The following AJAP1 variants were observed in gnomAD, a reference collection of about 807,000 sequenced individuals.
AJAP1 encodes the protein adherens junction-associated protein 1.
Under a neutral mutation model 35.0 loss-of-function variants are expected in AJAP1, and 5 were observed. That is an observed-to-expected ratio of 0.14 (90% CI 0.07 to 0.30). AJAP1 has a LOEUF of 0.30. AJAP1 is among the 10% of genes least tolerant of loss of function. The probability of loss-of-function intolerance (pLI) is 1.00; values close to 1 mark genes in which losing one functional copy is unlikely to be tolerated. For missense variants in AJAP1, 586 were observed against 571.0 expected, an observed-to-expected ratio of 1.03 and a Z score of -0.27; for synonymous variants, 284 against 249.3, an observed-to-expected ratio of 1.14 and a Z score of -1.31.
intron 2 of AJAP1, among the ~76,000 whole-genome samples, chr1:4,766,068 T>C (rs1230851025): frequency 6.6e-6 from 1 of 152,250 alleles, no homozygotes; most frequent in Non-Finnish European, 1.5e-5. Context: ...TTATTTAATC[T>C]ATAAGCAGAG....
intron 2 of AJAP1, among the ~76,000 whole-genome samples, chr1:4,750,942 A>G (rs184720864): frequency 4.7e-4 from 71 of 150,550 alleles, no homozygotes; most frequent in Non-Finnish European, 7.5e-4. Context: ...TGGGAGGGCC[A>G]GTGGAAAGGT....
At position 4,656,508 on chromosome 1, in the gene AJAP1, G is replaced by A. The variant is rs1638885655; in HGVS notation, c.29+1054G>A. Among the ~76,000 whole-genome samples, 1 of 152,210 alleles carries A rather than the reference G, an allele frequency of 6.6e-6. No homozygotes were observed. Among genetic ancestry groups the A allele is most frequent in the Non-Finnish European group, 1.5e-5 (1 of 68,046 alleles). ...CGCGTTGGGGACGAAAAGGCCAGTA[G>A]TTGTTAGCCCGCTGCTTGAGCCGCC... On this transcript the variant is annotated intron_variant, in intron 1 of 5. Coordinates refer to ENST00000378191, the MANE Select transcript of AJAP1 (RefSeq NM_018836.4). This position sits in a 1 kb window ranked among gnomAD's most constrained non-coding sequence, Gnocchi z 5.7.
intron 2 of AJAP1, among the ~76,000 whole-genome samples, chr1:4,735,662 TGTG>T (rs1557632157): frequency 6.6e-6 from 1 of 151,816 alleles, no homozygotes; most frequent in African/African-American, 2.4e-5. Flanking sequence ...CTGTGTGAGG[TGTG>T]AGGTGAGCTC....
At chr1:4,682,728 T>C (rs1639510300) in intron 1 of AJAP1, among the ~76,000 whole-genome samples, 1 of 152,080 alleles carries the variant, frequency 6.6e-6, no homozygotes. Context: ...ATGATGATAG[T>C]GGTGATACTG....
intron 2 of AJAP1, among the ~76,000 whole-genome samples, chr1:4,737,483 GC>G (rs1399567244): frequency 6.6e-6 from 1 of 151,618 alleles, no homozygotes; most frequent in South Asian, 2.1e-4. Flanking sequence ...AGAGACGGGA[GC>G]CCCCCCGAGA....
chr1:4,721,616 G>A (rs1557625569), intron 2 of AJAP1, among the ~76,000 whole-genome samples: 1 of 152,200 alleles, frequency 6.6e-6, no homozygotes, highest in African/African-American at 2.4e-5. Flanking sequence ...TCCCACCTCT[G>A]CAAGGAGAAA....
chr1:4,679,460 C>T (rs1639428457), intron 1 of AJAP1, among the ~76,000 whole-genome samples: 1 of 152,196 alleles, frequency 6.6e-6, no homozygotes, highest in Admixed American at 6.5e-5. Context: ...GACCTGAGGA[C>T]TTCAGGCTGT....
At chr1:4,740,397 T>TGGGGGAGGGGGGGGGGGAGGGAGTG (rs1553159528) in intron 2 of AJAP1, among the ~76,000 whole-genome samples, 1 of 142,914 alleles carries the variant, frequency 7.0e-6, no homozygotes, top group African/African-American at 2.6e-5. Flanking sequence ...GGGGACAGAG[T>TGGGGGAGGGGGGGGGGGAGGGAGTG]TTCAGTTTTG....
At chr1:4,659,296 C>G (rs1638949853) in intron 1 of AJAP1, among the ~76,000 whole-genome samples, 1 of 152,186 alleles carries the variant, frequency 6.6e-6, no homozygotes, top group African/African-American at 2.4e-5. Flanking sequence ...TATCCTTGAT[C>G]TAGATTTTAC....
At chr1:4,754,549 C>A (rs980750212) in intron 2 of AJAP1, among the ~76,000 whole-genome samples, 2 of 152,328 alleles carry the variant, frequency 1.3e-5, no homozygotes, top group African/African-American at 4.8e-5. Context: ...GGATGGCTTC[C>A]TGGCCTCAAG....
At chr1:4,755,834 A>G (rs115450733) in intron 2 of AJAP1, among the ~76,000 whole-genome samples, 1 of 151,810 alleles carries the variant, frequency 6.6e-6, no homozygotes. Flanking sequence ...GGGATTAAAA[A>G]CGACTAGGAG....
intron 1 of AJAP1, among the ~76,000 whole-genome samples, chr1:4,674,923 T>C (rs1442286022): frequency 6.6e-6 from 1 of 152,256 alleles, no homozygotes; most frequent in Non-Finnish European, 1.5e-5. Flanking sequence ...ACAGAGATTC[T>C]GCACAGGGCG....
chr1:4,668,194 A>G (rs1639176702), intron 1 of AJAP1, among the ~76,000 whole-genome samples: 1 of 132,718 alleles, frequency 7.5e-6, no homozygotes. Context: ...AGCCTGGGTG[A>G]CAGAGTGAAA....
chr1:4,719,026 T>C (rs115746525), intron 2 of AJAP1, among the ~76,000 whole-genome samples: 241 of 152,324 alleles, frequency 1.6e-3, no homozygotes, highest in African/African-American at 5.5e-3. Context: ...CCTTACATCA[T>C]GAATGTCACA....
At chr1:4,762,154 G>T (rs1006237543) in intron 2 of AJAP1, among the ~76,000 whole-genome samples, 1 of 152,152 alleles carries the variant, frequency 6.6e-6, no homozygotes, top group African/African-American at 2.4e-5. Context: ...CCTCCAAAAC[G>T]CTGCGCAGGA....
At chr1:4,678,921 A>G (rs914712288) in intron 1 of AJAP1, among the ~76,000 whole-genome samples, 4 of 152,380 alleles carry the variant, frequency 2.6e-5, no homozygotes, top group African/African-American at 7.2e-5. Flanking sequence ...CCGAGTAGGT[A>G]TGCTCCTATC....
In AJAP1 at chr1:4,783,475, A is replaced by G. The variant is rs1458255209; in HGVS notation, c.*990A>G. 0.012 allele frequency: 304 copies of G among 24,432 alleles called. 3 individuals carry two copies. The highest frequency in any genetic ancestry group is 0.016 in the Non-Finnish European group (244 of 15,658). 1.5% of individuals were successfully genotyped at this position (24,432 alleles called of 1,614,324 possible). A position where few individuals can be genotyped will look rare whatever the true frequency, so the allele number is the denominator to read the frequency against. On this transcript the variant is annotated 3_prime_UTR_variant, in exon 6 of 6. Coordinates refer to ENST00000378191, the MANE Select transcript of AJAP1 (RefSeq NM_018836.4). Reference sequence around the variant, plus strand: ...CAAGGTTTTATATATGTGTGTGTATATATATATATATATATATATATATAT... The same window carrying G: ...CAAGGTTTTATATATGTGTGTGTATGTATATATATATATATATATATATAT...
At chr1:4,728,475 A>G (rs1439869732) in intron 2 of AJAP1, among the ~76,000 whole-genome samples, 1 of 152,144 alleles carries the variant, frequency 6.6e-6, no homozygotes, top group East Asian at 1.9e-4. Flanking sequence ...GGGGTTTGGC[A>G]TCTGAGTGAC....
At chr1:4,708,245 C>T (rs1450434846) in intron 1 of AJAP1, among the ~76,000 whole-genome samples, 2 of 152,052 alleles carry the variant, frequency 1.3e-5, no homozygotes, top group East Asian at 1.9e-4. Context: ...GGATTACAGG[C>T]GTGAGCCACC....
Sources: allele counts gnomAD v4.1 joint callset (sites outside exome capture counted in the v4.1 genomes callset), GRCh38; gene constraint gnomAD v4.1.1; non-coding constraint Gnocchi (gnomAD v3.1); transcripts MANE v1.5; gene names NCBI Gene and HGNC (gene_info 2026-07-23, HGNC 2026-07-21).